The following BCL11A variants were observed in gnomAD, a reference collection of about 807,000 sequenced individuals.
BCL11A encodes the protein B cell CLL/lymphoma 11A.
Under a neutral mutation model 55.9 loss-of-function variants are expected in BCL11A, and 2 were observed. The ratio of observed to expected loss-of-function variants is 0.04; its 90% confidence interval spans 0.01 to 0.11. The LOEUF is 0.11. Among genes scored for constraint, BCL11A ranks in the 10% least tolerant of loss-of-function variants. BCL11A has a pLI of 1.00. For synonymous variants in BCL11A, 465 were observed against 473.4 expected, an observed-to-expected ratio of 0.98 and a Z score of 0.23; for missense variants, 817 against 1,137.1, an observed-to-expected ratio of 0.72 and a Z score of 4.05.
In BCL11A at chr2:60,487,120, G is replaced by C. The variant is rs968117498; in HGVS notation, c.386-18287C>G. ...CCACAAGGCAGGAAGGGGAAGGATA[G>C]TGCAACACCCCTAAGTGTGTGAAGT... On this transcript the variant is annotated intron_variant, in intron 2 of 3. Transcript: ENST00000642384. Among the ~76,000 whole-genome samples the C allele has an allele frequency of 2.6e-5, 4 of 152,252 alleles. No homozygotes were observed. In the South Asian group the frequency reaches 8.3e-4, roughly 31 times the overall value.
chr2:60,474,965 G>A (rs1677440414), intron 2 of BCL11A, among the ~76,000 whole-genome samples: 1 of 152,216 alleles, frequency 6.6e-6, no homozygotes, highest in African/African-American at 2.4e-5. Flanking sequence ...TTCAAAGGAA[G>A]AGAAATTATT....
chr2:60,496,180 G>A (rs1004613010), intron 2 of BCL11A, among the ~76,000 whole-genome samples: 23 of 152,184 alleles, frequency 1.5e-4, no homozygotes, highest in Non-Finnish European at 2.4e-4. Context: ...AACCAGAACC[G>A]GGAAAGTTCT....
At chr2:60,521,337 T>G (rs1668983429) in intron 2 of BCL11A, among the ~76,000 whole-genome samples, 1 of 152,184 alleles carries the variant, frequency 6.6e-6, no homozygotes, top group Non-Finnish European at 1.5e-5. Flanking sequence ...AGAGCGGACA[T>G]TTTGTAAAAC....
At chr2:60,468,897 T>C (rs1187886825) in intron 2 of BCL11A, 64 bp from the exon 3 acceptor site, 1 of 993,220 alleles carries the variant, frequency 1.0e-6, no homozygotes, top group Admixed American at 2.2e-5. Context: ...AACCACAGGA[T>C]ATCACATTTC....
chr2:60,487,033 G>A (rs1461558978), intron 2 of BCL11A, among the ~76,000 whole-genome samples: 1 of 152,240 alleles, frequency 6.6e-6, no homozygotes, highest in Non-Finnish European at 1.5e-5. Flanking sequence ...GTCTAACGTT[G>A]CTATTCAGGC....
At chr2:60,526,966 A>G (rs1669231035) in intron 2 of BCL11A, 1 of 152,346 alleles carries the variant, frequency 6.6e-6, no homozygotes, top group Admixed American at 6.5e-5. Context: ...TGAAGTAGAA[A>G]TACTACCCGG....
chr2:60,508,784 C>G (rs542724394), intron 2 of BCL11A: 8 of 152,432 alleles, frequency 5.2e-5, no homozygotes, highest in Admixed American at 5.2e-4. Context: ...GACCTTTGCA[C>G]TGGCAGCCTG....
At position 60,458,358 on chromosome 2, in the gene BCL11A, G is replaced by C; in HGVS notation, c.*2046C>G. 9.8e-7 allele frequency: 1 copy of C among 1,022,942 alleles called. No homozygotes were observed. Among genetic ancestry groups the C allele is most frequent in the East Asian group, 6.4e-5 (1 of 15,746 alleles). The allele number at this position is 1,022,942 out of a possible 1,614,324, so 63.4% of individuals were successfully genotyped here. ...CATTTTTAAATGGATAACAAGTCTT[G>C]TAACACCACCAAGACAATGGAACCC... On this transcript the variant is annotated 3_prime_UTR_variant, in exon 4 of 4. Coordinates refer to ENST00000642384, the MANE Select transcript of BCL11A (RefSeq NM_022893.4).
intron 2 of BCL11A, among the ~76,000 whole-genome samples, chr2:60,506,054 G>C (rs924558238): frequency 6.6e-6 from 1 of 152,202 alleles, no homozygotes; most frequent in Non-Finnish European, 1.5e-5. Context: ...CAGATGGTGC[G>C]AGAAGATAGT....
intron 3 of BCL11A, among the ~76,000 whole-genome samples, chr2:60,468,022 GGTA>G (rs1449249126): frequency 1.3e-4 from 12 of 89,762 alleles, no homozygotes; most frequent in East Asian, 2.3e-4. Flanking sequence ...TGGTGGTGGT[GGTA>G]GTGGTGGTGA....
chr2:60,486,267 C>T (rs891581017), intron 2 of BCL11A, among the ~76,000 whole-genome samples: 2 of 152,178 alleles, frequency 1.3e-5, no homozygotes, highest in African/African-American at 2.4e-5. Context: ...GTTCTCTCTC[C>T]TACACATCAA....
Position 60,459,975 on chromosome 2 carries a change from C to T in BCL11A, c.*429G>A. 2 of 1,066,396 alleles carry T rather than the reference C, an allele frequency of 1.9e-6. No individual in the cohort carries two copies. Among genetic ancestry groups the T allele is most frequent in the Non-Finnish European group, 1.1e-6 (1 of 880,268 alleles). 66.1% of individuals were successfully genotyped at this position (1,066,396 alleles called of 1,614,324 possible). A position where few individuals can be genotyped will look rare whatever the true frequency, so the allele number is the denominator to read the frequency against. On this transcript the variant is annotated 3_prime_UTR_variant, in exon 4 of 4. Coordinates refer to ENST00000642384, the MANE Select transcript of BCL11A (RefSeq NM_022893.4). ...TTTTCTCTCAGAACGGAACTGGAAA[C>T]AGCAACATGTTTGCTCAGCAACGAA...
intron 2 of BCL11A, among the ~76,000 whole-genome samples, chr2:60,491,034 G>A (rs1379191196): frequency 6.6e-6 from 1 of 152,100 alleles, no homozygotes; most frequent in African/African-American, 2.4e-5. Context: ...ACACCCTGGA[G>A]AAGAGCAAAT....
At position 60,458,660 on chromosome 2, in the gene BCL11A, T is replaced by C; in HGVS notation, c.*1744A>G. On this transcript the variant is annotated 3_prime_UTR_variant, in exon 4 of 4. Transcript: ENST00000642384. ...CAATGAGATTGTGTTCAATTTTTTT[T>C]CAGCATTCTTGCAACTTTTCCCTTA... The C allele has an allele frequency of 9.7e-7, 1 of 1,031,992 alleles. No individual in the cohort carries two copies. The highest frequency in any genetic ancestry group is 1.2e-6 in the Non-Finnish European group (1 of 857,768). 63.9% of individuals were successfully genotyped at this position (1,031,992 alleles called of 1,614,324 possible).
rs1676179143 is a variant in BCL11A, at chr2:60,460,291, C to G, written c.*113G>C. The stretch of plus-strand genomic sequence containing the variant: ...TGTTTGTTTGTTTGTTTGTTTAAAT[C>G]ACATGGGACTAGAAAAAAATCCTAC... On this transcript the variant is annotated 3_prime_UTR_variant, in exon 4 of 4. Transcript: ENST00000642384. 13 of 1,472,760 alleles carry G rather than the reference C, an allele frequency of 8.8e-6. No homozygotes were observed. The highest frequency in any genetic ancestry group is 1.2e-5 in the Non-Finnish European group (13 of 1,111,682). The allele number at this position is 1,472,760 out of a possible 1,614,324, so 91.2% of individuals were successfully genotyped here.
chr2:60,468,656 A>T, intron 3 of BCL11A, 76 bp downstream of exon 3: 1 of 1,138,060 alleles, frequency 8.8e-7, no homozygotes, highest in Non-Finnish European at 1.3e-6. Context: ...TCAGTACTTA[A>T]AAAGTAAGGG....
intron 2 of BCL11A, among the ~76,000 whole-genome samples, chr2:60,486,410 G>T (rs1312958171): frequency 6.6e-6 from 1 of 152,208 alleles, no homozygotes; most frequent in African/African-American, 2.4e-5. Flanking sequence ...CATATGTGTA[G>T]TTAAGTACTG....
rs375571438 is a variant in BCL11A, at chr2:60,533,269, G to C, written c.385+12702C>G. On this transcript the variant is annotated intron_variant, in intron 2 of 3. Coordinates refer to ENST00000642384, the MANE Select transcript of BCL11A (RefSeq NM_022893.4). ...ACTCCTGGATAGACTGAATAATAAG[G>C]CTTGTGATGACTAAATTGTTTACTT... 2.1e-4 allele frequency: 32 copies of C among 152,258 alleles called. 1 individual carries two copies. Among genetic ancestry groups the C allele is most frequent in the African/African-American group, 7.7e-4 (32 of 41,548 alleles). The allele number at this position is 152,258 out of a possible 1,614,324, so 9.4% of individuals were successfully genotyped here. A position where few individuals can be genotyped will look rare whatever the true frequency, so the allele number is the denominator to read the frequency against.
chr2:60,511,860 T>C (rs1172543986), intron 2 of BCL11A, among the ~76,000 whole-genome samples: 2 of 152,292 alleles, frequency 1.3e-5, no homozygotes, highest in South Asian at 2.1e-4. Context: ...GAGGGAGCTT[T>C]TTTCTTTCAA....
Sources: gnomAD v4.1 joint callset for allele counts (sites outside exome capture counted in the v4.1 genomes callset) on GRCh38, gnomAD v4.1.1 for gene constraint, MANE v1.5 for transcripts, NCBI Gene and HGNC (gene_info 2026-07-23, HGNC 2026-07-21) for gene names.